Variants in CLASP1 observed in about 807,000 individuals in gnomAD.
The protein encoded by CLASP1 is cytoplasmic linker associated protein 1.
In CLASP1, 38 loss-of-function variants were observed where a neutral mutation model predicts 192.3. The observed-to-expected ratio is 0.20, with a 90% CI of 0.15 to 0.26. The LOEUF (loss-of-function observed/expected upper bound fraction) is 0.26. CLASP1 is among the 10% of genes least tolerant of loss of function. The pLI, the probability that CLASP1 is intolerant of heterozygous loss-of-function variation, is 1.00. For synonymous variants in CLASP1, 691 were observed against 712.8 expected (o/e 0.97, Z 0.49); for missense variants, 1,433 against 1,932.5 (o/e 0.74, Z 4.85).
chr2:121,430,657 TAACTC>T (rs1215115857), intron 19 of CLASP1, among the ~76,000 whole-genome samples: 1 of 152,192 alleles, frequency 6.6e-6, no homozygotes, highest in African/African-American at 2.4e-5. Context: ...TCTACCTTCT[TAACTC>T]AGCCATCACA....
At chr2:121,397,971 A>ACCTATC (rs2075567013) in intron 29 of CLASP1, among the ~76,000 whole-genome samples, 1 of 152,240 alleles carries the variant, frequency 6.6e-6, no homozygotes, top group Admixed American at 6.5e-5. Flanking sequence ...ACACACAAGA[A>ACCTATC]TGTCTTAATT....
At position 121,436,339 on chromosome 2, in the gene CLASP1, A is replaced by G. The variant is rs552409997; in HGVS notation, c.1913-6162T>C. ...AGCCACCGTACCTGGCCTTACTATG[A>G]TATGTTTAACTGCAGATTTTTTATT... On this transcript the variant is annotated intron_variant, in intron 19 of 39. Transcript: ENST00000263710. Among the ~76,000 whole-genome samples, 316 of 150,562 alleles carry G rather than the reference A, an allele frequency of 2.1e-3. 1 individual carries two copies. The highest frequency in any genetic ancestry group is 7.2e-3 in the African/African-American group (297 of 40,974).
chr2:121,404,559 C>A lies in CLASP1; in HGVS notation c.2670-125G>T, dbSNP rs574274694. On this transcript the variant is annotated intron_variant, in intron 25 of 39. Coordinates refer to ENST00000263710, the Ensembl canonical transcript of CLASP1. ...ATAGCTCACTACAGCCTTGATCTCC[C>A]AAGCTCAAGTGATCCTCCCACCTCA... 11 of 849,158 alleles carry A rather than the reference C, an allele frequency of 1.3e-5. No individual in the cohort carries two copies. In the East Asian group the frequency reaches 3.0e-4, roughly 23 times the overall value. The allele number at this position is 849,158 out of a possible 1,614,324, so 52.6% of individuals were successfully genotyped here.
chr2:121,451,753 A>G (rs1402258532), intron 15 of CLASP1, 37 bp downstream of exon 15: 1 of 1,530,970 alleles, frequency 6.5e-7, no homozygotes, highest in South Asian at 1.2e-5. Flanking sequence ...TAAAGGCTCA[A>G]TTCAGAGGGA....
intron 32 of CLASP1, among the ~76,000 whole-genome samples, 161 bp downstream of exon 33, chr2:121,386,961 A>G (rs1031529571): frequency 2.0e-5 from 3 of 152,228 alleles, no homozygotes; most frequent in African/African-American, 2.4e-5. Flanking sequence ...TTTGCATAAG[A>G]TTATACAGTT....
In CLASP1 at chr2:121,529,590, C is replaced by T. The variant is rs1057405488; in HGVS notation, c.274+657G>A. Among the ~76,000 whole-genome samples, 3 of 152,272 alleles carry T rather than the reference C, an allele frequency of 2.0e-5. No individual in the cohort carries two copies. In the South Asian group the frequency reaches 6.2e-4, roughly 32 times the overall value. On this transcript the variant is annotated intron_variant, in intron 3 of 39. Transcript: ENST00000263710. ...ATAGAGATGCTTAGTGTTTATACTA[C>T]CCCCATGAAACACCGGAGGTCAGGA...
intron 19 of CLASP1, among the ~76,000 whole-genome samples, chr2:121,442,162 A>G (rs1302850607): frequency 6.6e-6 from 1 of 152,212 alleles, no homozygotes; most frequent in East Asian, 1.9e-4. Context: ...CTTTTTTAAA[A>G]AAGTATGAGA....
chr2:121,372,708 G>A (rs1432012146), intron 34 of CLASP1, among the ~76,000 whole-genome samples: 1 of 152,128 alleles, frequency 6.6e-6, no homozygotes, highest in East Asian at 1.9e-4. Flanking sequence ...CCATTCCATA[G>A]TTACAGTAGC....
chr2:121,375,109 G>GT (rs1216663180), intron 34 of CLASP1, among the ~76,000 whole-genome samples: 2 of 152,154 alleles, frequency 1.3e-5, no homozygotes, highest in Admixed American at 1.3e-4. Context: ...CTGGTAGGAG[G>GT]TGACTGGATC....
At chr2:121,414,758 T>C (rs2078279445) in intron 23 of CLASP1, among the ~76,000 whole-genome samples, 3 of 152,188 alleles carry the variant, frequency 2.0e-5, no homozygotes. Flanking sequence ...ATGTTTGTTG[T>C]TCTGTTGCAT....
At chr2:121,523,152 T>C (rs760081833) in intron 6 of CLASP1, among the ~76,000 whole-genome samples, 1 of 152,236 alleles carries the variant, frequency 6.6e-6, no homozygotes, top group Admixed American at 6.5e-5. Flanking sequence ...GCCTTTAACG[T>C]AGGTGTCTTA....
chr2:121,524,253 T>C (rs2094522405), intron 6 of CLASP1, among the ~76,000 whole-genome samples: 1 of 151,990 alleles, frequency 6.6e-6, no homozygotes, highest in Non-Finnish European at 1.5e-5. Flanking sequence ...ACCCCCAGAG[T>C]GCGGCCTCTA....
intron 2 of CLASP1, among the ~76,000 whole-genome samples, chr2:121,588,761 C>T (rs559003825): frequency 6.6e-6 from 1 of 152,272 alleles, no homozygotes; most frequent in African/African-American, 2.4e-5. Flanking sequence ...CCTCCCCCAA[C>T]CAATCTAAAG....
intron 8 of CLASP1, among the ~76,000 whole-genome samples, chr2:121,473,187 A>G (rs1292588472): frequency 1.3e-5 from 2 of 152,226 alleles, no homozygotes; most frequent in Admixed American, 6.5e-5. Context: ...TGATGAAATA[A>G]GAACATTAAA....
rs1318993974 is a variant in CLASP1 at position 121,454,023 on chromosome 2, G to C, written c.1386-2174C>G. On this transcript the variant is annotated intron_variant, in intron 14 of 39. Transcript: ENST00000263710. ...GCTAAATACAGAAATAACAATCTGA[G>C]TGTGTGGTTCAGAAATTGGTGAGGG... 2.0e-5 allele frequency among the ~76,000 whole-genome samples: 3 copies of C among 152,148 alleles called. No homozygotes were observed. The East Asian group carries it at 5.8e-4, about 29-fold the overall frequency.
intron 31 of CLASP1, 51 bp downstream of exon 32, chr2:121,387,712 C>A (rs1266712635): frequency 3.1e-6 from 5 of 1,587,710 alleles, no homozygotes; most frequent in Non-Finnish European, 3.5e-6. Flanking sequence ...ATAAGGGCTA[C>A]GCAGAGGTCA....
intron 2 of CLASP1, chr2:121,531,146 G>A (rs997065922): frequency 1.6e-5 from 10 of 614,850 alleles, no homozygotes; most frequent in Middle Eastern, 4.3e-4. Flanking sequence ...CAGTTTTTGC[G>A]GTGATTAAAC....
chr2:121,582,746 C>T (rs1247116691), intron 2 of CLASP1, among the ~76,000 whole-genome samples: 1 of 151,796 alleles, frequency 6.6e-6, no homozygotes, highest in Admixed American at 6.6e-5. Context: ...AATCCTTACA[C>T]CTTCAAAAGG....
chr2:121,443,403 T>C (rs1394350318), intron 19 of CLASP1, among the ~76,000 whole-genome samples: 2 of 152,240 alleles, frequency 1.3e-5, no homozygotes, highest in Admixed American at 6.5e-5. Context: ...ATGTAATGTC[T>C]TTGCTTTCCA....
Sources: gnomAD v4.1 joint callset for allele counts (sites outside exome capture counted in the v4.1 genomes callset) on GRCh38, gnomAD v4.1.1 for gene constraint, MANE v1.5 for transcripts, NCBI Gene and HGNC (gene_info 2026-07-23, HGNC 2026-07-21) for gene names.